The following NKAIN2 variants were observed in gnomAD, a reference collection of about 807,000 sequenced individuals.
NKAIN2 encodes sodium/potassium-transporting ATPase subunit beta-1-interacting protein 2.
In NKAIN2, 14 loss-of-function variants were observed where a neutral mutation model predicts 32.6. The observed-to-expected ratio is 0.43, with a 90% CI of 0.28 to 0.67. NKAIN2 has a LOEUF of 0.67. NKAIN2 is among the 30% of genes least tolerant of loss of function. The probability of loss-of-function intolerance (pLI) is 0.17; values close to 1 mark genes in which losing one functional copy is unlikely to be tolerated. For synonymous variants in NKAIN2, 80 were observed against 87.2 expected (o/e 0.92, Z 0.46); for missense variants, 198 against 258.3 (o/e 0.77, Z 1.60).
intron 3 of NKAIN2, among the ~76,000 whole-genome samples, chr6:124,389,771 A>G (rs1386198247): frequency 6.6e-6 from 1 of 151,362 alleles, no homozygotes; most frequent in Non-Finnish European, 1.5e-5. Flanking sequence ...CTGTGACTGT[A>G]GAAAAGAAAA....
intron 1 of NKAIN2, among the ~76,000 whole-genome samples, chr6:123,955,590 T>TTTTTATTTTATTTTA (rs61369548): frequency 0.05 from 6,823 of 136,648 alleles, 431 homozygotes; most frequent in African/African-American, 0.14. Context: ...ATTTAAACAT[T>TTTTTATTTTATTTTA]TTTTATTTTA....
chr6:123,898,860 T>A (rs1774416795), intron 1 of NKAIN2, among the ~76,000 whole-genome samples: 1 of 152,198 alleles, frequency 6.6e-6, no homozygotes, highest in Non-Finnish European at 1.5e-5. Flanking sequence ...CTCCCCAGGC[T>A]TCCTCCTGAG....
chr6:124,543,812 T>A (rs903566240), intron 3 of NKAIN2, among the ~76,000 whole-genome samples: 1 of 152,098 alleles, frequency 6.6e-6, no homozygotes, highest in Non-Finnish European at 1.5e-5. Context: ...TGGGCCACTT[T>A]GAAAACCTGA....
At chr6:124,256,877 T>C (rs1793961801) in intron 1 of NKAIN2, among the ~76,000 whole-genome samples, 1 of 146,376 alleles carries the variant, frequency 6.8e-6, no homozygotes, top group African/African-American at 2.6e-5. Flanking sequence ...TTCAATTAGC[T>C]TTCTGTTGTT....
intron 4 of NKAIN2, among the ~76,000 whole-genome samples, chr6:124,773,554 A>T (rs1778855232): frequency 6.6e-6 from 1 of 152,110 alleles, no homozygotes; most frequent in South Asian, 2.1e-4. Flanking sequence ...GTAAATTTGA[A>T]TGTGGGAAAA....
intron 1 of NKAIN2, among the ~76,000 whole-genome samples, chr6:124,222,438 G>A (rs1791883811): frequency 6.6e-6 from 1 of 152,138 alleles, no homozygotes; most frequent in Non-Finnish European, 1.5e-5. Context: ...AACAGTACAG[G>A]GTTGGGAGCA....
chr6:123,873,389 A>G (rs987593159), intron 1 of NKAIN2, among the ~76,000 whole-genome samples: 2 of 152,192 alleles, frequency 1.3e-5, no homozygotes, highest in African/African-American at 4.8e-5. Flanking sequence ...GATGAGGTTC[A>G]AAGTTATTCA....
At chr6:124,388,809 T>C (rs1773023123) in intron 3 of NKAIN2, among the ~76,000 whole-genome samples, 1 of 152,050 alleles carries the variant, frequency 6.6e-6, no homozygotes, top group Non-Finnish European at 1.5e-5. Context: ...CAAGTATGCC[T>C]TGTATAGTCT....
intron 1 of NKAIN2, among the ~76,000 whole-genome samples, chr6:123,915,079 C>A (rs529268160): frequency 2.6e-5 from 4 of 152,094 alleles, no homozygotes; most frequent in Non-Finnish European, 5.9e-5. Flanking sequence ...CACAGCTTCT[C>A]GAAGAGGTGT....
At chr6:124,754,865 C>A (rs1350208504) in intron 4 of NKAIN2, among the ~76,000 whole-genome samples, 4 of 152,050 alleles carry the variant, frequency 2.6e-5, no homozygotes, top group Non-Finnish European at 4.4e-5. Context: ...GTCACAATAG[C>A]AAAGACATGG....
intron 1 of NKAIN2, among the ~76,000 whole-genome samples, chr6:123,897,277 G>C (rs1035169875): frequency 6.6e-6 from 1 of 152,102 alleles, no homozygotes; most frequent in African/African-American, 2.4e-5. Context: ...CCTGGTCTCT[G>C]TTTGCTACTT....
chr6:124,544,521 A>G (rs888273095), intron 3 of NKAIN2, among the ~76,000 whole-genome samples: 3 of 152,154 alleles, frequency 2.0e-5, no homozygotes, highest in Non-Finnish European at 2.9e-5. Context: ...CCTTCTAGTT[A>G]TAGAATTAAA....
At chr6:124,225,312 C>A (rs2114711849) in intron 1 of NKAIN2, among the ~76,000 whole-genome samples, 1 of 151,942 alleles carries the variant, frequency 6.6e-6, no homozygotes, top group South Asian at 2.1e-4. Context: ...ATCTATTTTT[C>A]TTTTCTAGTC....
intron 1 of NKAIN2, among the ~76,000 whole-genome samples, chr6:124,190,983 T>A (rs1474770208): frequency 2.0e-5 from 3 of 152,190 alleles, no homozygotes; most frequent in Non-Finnish European, 4.4e-5. Flanking sequence ...AACAGAGTGG[T>A]ACATCTACTA....
At chr6:124,047,359 T>C (rs1782189854) in intron 1 of NKAIN2, among the ~76,000 whole-genome samples, 1 of 151,958 alleles carries the variant, frequency 6.6e-6, no homozygotes, top group Non-Finnish European at 1.5e-5. Flanking sequence ...TCAGTACAAG[T>C]TGTATGGTTT....
At chr6:124,705,368 G>A (rs560813107) in intron 4 of NKAIN2, among the ~76,000 whole-genome samples, 1 of 152,164 alleles carries the variant, frequency 6.6e-6, no homozygotes, top group South Asian at 2.1e-4. Flanking sequence ...GCTGTTAGAT[G>A]GCTTATAAAA....
intron 3 of NKAIN2, among the ~76,000 whole-genome samples, chr6:124,356,746 G>C (rs955699958): frequency 2.0e-5 from 3 of 152,068 alleles, no homozygotes; most frequent in African/African-American, 7.2e-5. Context: ...CTTTTCCAAG[G>C]ATTTGAATTC....
chr6:123,959,526 A>G (rs1777744447), intron 1 of NKAIN2, among the ~76,000 whole-genome samples: 1 of 152,162 alleles, frequency 6.6e-6, no homozygotes, highest in Non-Finnish European at 1.5e-5. Flanking sequence ...TGAACATGAT[A>G]CTTCTTCAGT....
chr6:124,659,440 T>C (rs1471714966), intron 4 of NKAIN2, among the ~76,000 whole-genome samples: 2 of 152,116 alleles, frequency 1.3e-5, no homozygotes, highest in Admixed American at 1.3e-4. Flanking sequence ...TGTGAGTGTG[T>C]CAGTGTTAGA....
Sources: gnomAD v4.1 joint callset for allele counts (sites outside exome capture counted in the v4.1 genomes callset) on GRCh38, gnomAD v4.1.1 for gene constraint, MANE v1.5 for transcripts, NCBI Gene and HGNC (gene_info 2026-07-23, HGNC 2026-07-21) for gene names.